Variants in GGT5 observed in about 807,000 individuals in gnomAD.
The protein encoded by GGT5 is gamma-glutamyltransferase 5.
GGT5 carries 50 observed loss-of-function variants against 58.1 expected under a neutral mutation model. The observed-to-expected ratio is 0.86, with a 90% CI of 0.69 to 1.09. The LOEUF (loss-of-function observed/expected upper bound fraction) is 1.09, where lower values mean the gene tolerates loss of function less well. Ranked by LOEUF, GGT5 falls within the 50% of genes least tolerant of loss-of-function variation. The pLI, the probability that GGT5 is intolerant of heterozygous loss-of-function variation, is 0.00. For missense variants in GGT5, 800 were observed against 789.4 expected, an observed-to-expected ratio of 1.01 and a Z score of -0.16; for synonymous variants, 370 against 346.1, an observed-to-expected ratio of 1.07 and a Z score of -0.77.
chr22:24,232,797 AC>A, intron 4 of GGT5, 25 bp downstream of exon 4: 1 of 1,454,558 alleles, frequency 6.9e-7, no homozygotes, highest in South Asian at 1.4e-5. Flanking sequence ...GAACCCAGGA[AC>A]CCAGGGCCAC....
chr22:24,242,465 C>CGGG (rs2048351649), intron 1 of GGT5: 1 of 152,268 alleles, frequency 6.6e-6, no homozygotes, highest in Non-Finnish European at 1.5e-5. Context: ...GGCGTGGTGG[C>CGGG]TAGCACCTGT....
intron 6 of GGT5, among the ~76,000 whole-genome samples, chr22:24,230,833 C>T (rs182102844): frequency 4.2e-4 from 64 of 152,250 alleles, no homozygotes; most frequent in African/African-American, 1.5e-3. Flanking sequence ...CCCTGGAGCC[C>T]CCAATGGAAT....
At position 24,238,853 on chromosome 22, in the gene GGT5, TATTATATATATA is replaced by T. The variant is rs1569371907; in HGVS notation, c.174-4861_174-4850del. On this transcript the variant is annotated intron_variant, in intron 1 of 11. Coordinates refer to ENST00000327365, the MANE Select transcript of GGT5 (RefSeq NM_004121.5). ...TATATTTATATATATATATTATATA[TATTATATATATA>T]ATATATATAATATATATTATATATT... Among the ~76,000 whole-genome samples, 87 of 14,282 alleles carry T rather than the reference TATTATATATATA, an allele frequency of 6.1e-3. 3 individuals carry two copies. Among genetic ancestry groups the T allele is most frequent in the Middle Eastern group, 0.056 (1 of 18 alleles). 9.4% of individuals were successfully genotyped at this position (14,282 alleles called of 152,430 possible).
rs560042390 is a variant in GGT5, at chr22:24,240,280, A to G, written c.173+4273T>C. Among the ~76,000 whole-genome samples, 29 of 152,324 alleles carry G rather than the reference A, an allele frequency of 1.9e-4. No homozygotes were observed. The South Asian group carries it at 5.8e-3, about 30-fold the overall frequency. On this transcript the variant is annotated intron_variant, in intron 1 of 11. Coordinates refer to ENST00000327365, the MANE Select transcript of GGT5 (RefSeq NM_004121.5). ...TAATAAATGCAAAACAAGATGTGAA[A>G]GGAGATAAGAAGAAACAGAATAGGC...
chr22:24,229,369 G>GTGC, intron 6 of GGT5, among the ~76,000 whole-genome samples: 3 of 151,428 alleles, frequency 2.0e-5, no homozygotes, highest in African/African-American at 7.3e-5. Flanking sequence ...ACGCACCATT[G>GTGC]CACTCCAGCC....
At chr22:24,225,440 G>A in intron 9 of GGT5, 29 bp from the exon 10 acceptor site, 2 of 1,607,724 alleles carry the variant, frequency 1.2e-6, no homozygotes, top group Non-Finnish European at 1.7e-6. Flanking sequence ...CTTGGCAAGT[G>A]CAGTGACCCA....
At chr22:24,235,854 G>T in intron 1 of GGT5, among the ~76,000 whole-genome samples, 1 of 152,010 alleles carries the variant, frequency 6.6e-6, no homozygotes. Flanking sequence ...TTACAGATGG[G>T]GAAACCAAAG....
At position 24,232,045 on chromosome 22, in the gene GGT5, G is replaced by A; in HGVS notation, c.754+6C>T. 6.2e-7 allele frequency: 1 copy of A among 1,610,976 alleles called. No homozygotes were observed. Among genetic ancestry groups the A allele is most frequent in the Non-Finnish European group, 8.5e-7 (1 of 1,177,660 alleles). On this transcript the variant is annotated splice_donor_region_variant and intron_variant, in intron 5 of 11. Coordinates refer to ENST00000327365, the MANE Select transcript of GGT5 (RefSeq NM_004121.5). Reference sequence around the variant, plus strand: ...GGATGGGGTATGGAACCTCAGGGAGGCTGACCTTCCTTGGCAATGTCCTCC... The same window carrying A: ...GGATGGGGTATGGAACCTCAGGGAGACTGACCTTCCTTGGCAATGTCCTCC...
At chr22:24,227,720 G>T (rs1047370465) in intron 6 of GGT5, among the ~76,000 whole-genome samples, 3 of 152,030 alleles carry the variant, frequency 2.0e-5, no homozygotes, top group African/African-American at 7.2e-5. Flanking sequence ...CACAAGCCAA[G>T]GAATGCTGGC....
At position 24,220,025 on chromosome 22, in the gene GGT5, GC is replaced by G. The variant is rs1293162526; in HGVS notation, c.1705del (p.Ala569ProfsTer9). The G allele has an allele frequency of 1.2e-6, 2 of 1,613,956 alleles. No individual in the cohort carries two copies. The highest frequency in any genetic ancestry group is 3.3e-5 in the Admixed American group (2 of 60,004). On this transcript the variant is annotated frameshift_variant, in exon 12 of 12. Coordinates refer to ENST00000327365, the MANE Select transcript of GGT5 (RefSeq NM_004121.5). LOFTEE classifies it high-confidence loss of function. The stretch of plus-strand genomic sequence containing the variant: ...CAGGTCCGAGACGGCGTACACACAG[GC>G]CCCCTCCTGGGACACAGCCTGGACC... ...NVVQAVSQEG[A>X]CVYAVSDLRK...
intron 1 of GGT5, 93 bp from the exon 2 acceptor site, chr22:24,234,097 G>A (rs1339853045): frequency 1.0e-5 from 13 of 1,305,430 alleles, no homozygotes; most frequent in East Asian, 2.5e-5. Context: ...GAATGGTGAC[G>A]GAGGCGGCAC....
intron 1 of GGT5, among the ~76,000 whole-genome samples, chr22:24,234,747 C>G (rs1366646448): frequency 6.6e-6 from 1 of 152,008 alleles, no homozygotes; most frequent in Non-Finnish European, 1.5e-5. Flanking sequence ...TTGAACCCAG[C>G]AGGCAGAGGT....
intron 5 of GGT5, among the ~76,000 whole-genome samples, 182 bp downstream of exon 5, chr22:24,231,869 C>T (rs985961411): frequency 1.8e-4 from 27 of 152,256 alleles, no homozygotes; most frequent in African/African-American, 6.0e-4. Flanking sequence ...AGGCTCTGCT[C>T]TCTGAGGTCC....
chr22:24,241,882 T>C (rs1167136742), intron 1 of GGT5: 1 of 151,502 alleles, frequency 6.6e-6, no homozygotes, highest in East Asian at 1.9e-4. Context: ...AGTGGTGCAA[T>C]CTTGGCTTAC....
intron 11 of GGT5, among the ~76,000 whole-genome samples, chr22:24,221,515 G>A (rs1316921822): frequency 1.3e-5 from 2 of 152,104 alleles, no homozygotes; most frequent in Non-Finnish European, 1.5e-5. Context: ...GGGGTTTTTT[G>A]TGTGTGTCTG....
chr22:24,221,280 T>G (rs1177187707), intron 11 of GGT5, among the ~76,000 whole-genome samples: 1 of 152,046 alleles, frequency 6.6e-6, no homozygotes, highest in Non-Finnish European at 1.5e-5. Flanking sequence ...GCCACAAGAT[T>G]AGAAATTATG....
chr22:24,223,180 T>C (rs1488572028), intron 11 of GGT5, among the ~76,000 whole-genome samples: 4 of 151,870 alleles, frequency 2.6e-5, no homozygotes, highest in Non-Finnish European at 2.9e-5. Context: ...GGTGGACAGA[T>C]CACTTGAGAT....
intron 1 of GGT5, 22 bp from the exon 2 acceptor site, chr22:24,234,026 C>T (rs776288746): frequency 1.6e-5 from 25 of 1,584,130 alleles, no homozygotes; most frequent in East Asian, 4.7e-5. Flanking sequence ...GGCACAGAGT[C>T]GCTGTGGGGC....
Position 24,232,097 on chromosome 22 carries a change from G to C in GGT5, c.708C>G (p.Tyr236Ter), listed in dbSNP as rs772564178. 6.2e-7 allele frequency: 1 copy of C among 1,613,032 alleles called. No individual in the cohort carries two copies. The highest frequency in any genetic ancestry group is 1.1e-5 in the South Asian group (1 of 90,868). The change falls in exon 5 of 12, where the codon TAC becomes TAG. Residue 236 changes from tyrosine to a stop codon, truncating the protein, a stop_gained. Coordinates refer to ENST00000327365, the MANE Select transcript of GGT5 (RefSeq NM_004121.5). LOFTEE classifies it high-confidence loss of function. ...TVATEGVEVFYTGRLGQMLVE... is the reference protein window; with the variant it reads ...TVATEGVEVF ...CCAGCATCTGGCCCAGCCTCCCCGT[G>C]TAGAAGACCTCCACGCCCTCTGTGG...
Sources: gnomAD v4.1 joint callset for allele counts (sites outside exome capture counted in the v4.1 genomes callset) on GRCh38, gnomAD v4.1.1 for gene constraint, MANE v1.5 for transcripts, NCBI Gene and HGNC (gene_info 2026-07-23, HGNC 2026-07-21) for gene names.